The following CCDC178 variants were observed in gnomAD, a reference collection of about 807,000 sequenced individuals.
CCDC178 encodes coiled-coil domain containing 178.
In CCDC178, 126 loss-of-function variants were observed where a neutral mutation model predicts 117.4. That is an observed-to-expected ratio of 1.07 (90% CI 0.93 to 1.24). The LOEUF is 1.24. Ranked by LOEUF, CCDC178 falls within the 50% of genes most tolerant of loss-of-function variation. The pLI is 0.00. For synonymous variants in CCDC178, 283 were observed against 313.4 expected (o/e 0.90, Z 1.02); for missense variants, 1,030 against 986.9 (o/e 1.04, Z -0.59).
At chr18:33,191,600 C>A in intron 20 of CCDC178, among the ~76,000 whole-genome samples, 1 of 152,094 alleles carries the variant, frequency 6.6e-6, no homozygotes, top group Non-Finnish European at 1.5e-5. Context: ...TTAGCAATTT[C>A]ACTTGGCGAT....
At chr18:33,281,989 T>C (rs2060031737) in intron 12 of CCDC178, among the ~76,000 whole-genome samples, 1 of 152,264 alleles carries the variant, frequency 6.6e-6, no homozygotes. Context: ...ACAGCTCCCA[T>C]GGAGGCACTG....
At chr18:33,226,415 T>C (rs2059303905) in intron 16 of CCDC178, among the ~76,000 whole-genome samples, 2 of 152,182 alleles carry the variant, frequency 1.3e-5, no homozygotes, top group African/African-American at 4.8e-5. Flanking sequence ...TATATGGAAG[T>C]ATCAAAGCAT....
intron 14 of CCDC178, among the ~76,000 whole-genome samples, chr18:33,247,040 G>C (rs1408594676): frequency 4.0e-5 from 6 of 150,870 alleles, no homozygotes; most frequent in African/African-American, 1.5e-4. Flanking sequence ...GTGTAGGAGA[G>C]AGAGGGGTGT....
intron 15 of CCDC178, among the ~76,000 whole-genome samples, chr18:33,240,863 A>T (rs1209553918): frequency 6.6e-6 from 1 of 151,924 alleles, no homozygotes; most frequent in Non-Finnish European, 1.5e-5. Flanking sequence ...TGAGGCCAGC[A>T]TAACCTCAAT....
intron 21 of CCDC178, chr18:32,983,158 C>A: frequency 1.8e-6 from 1 of 559,280 alleles, no homozygotes; most frequent in Non-Finnish European, 3.1e-6. Context: ...AAAACCACTT[C>A]TCAGTACACT....
chr18:33,264,159 C>T (rs1302268827), intron 14 of CCDC178, among the ~76,000 whole-genome samples: 3 of 152,020 alleles, frequency 2.0e-5, no homozygotes, highest in Non-Finnish European at 4.4e-5. Flanking sequence ...ATTACATTTG[C>T]ATACATTTGT....
intron 4 of CCDC178, among the ~76,000 whole-genome samples, chr18:33,392,924 G>A (rs939310205): frequency 6.6e-6 from 1 of 152,118 alleles, no homozygotes; most frequent in East Asian, 1.9e-4. Flanking sequence ...ATACACTATA[G>A]AACTGTGTTA....
At chr18:33,014,262 G>A (rs1000048813) in intron 21 of CCDC178, among the ~76,000 whole-genome samples, 1 of 152,188 alleles carries the variant, frequency 6.6e-6, no homozygotes, top group Non-Finnish European at 1.5e-5. Flanking sequence ...AATCCCATAT[G>A]CAGGGCTTAT....
At chr18:33,388,846 G>A (rs1160956313) in intron 5 of CCDC178, among the ~76,000 whole-genome samples, 4 of 152,046 alleles carry the variant, frequency 2.6e-5, no homozygotes, top group African/African-American at 9.7e-5. Context: ...CAGGGACATG[G>A]ATGAAACTGG....
At chr18:33,238,850 A>C (rs1436763566) in intron 15 of CCDC178, among the ~76,000 whole-genome samples, 3 of 152,164 alleles carry the variant, frequency 2.0e-5, no homozygotes, top group Non-Finnish European at 4.4e-5. Context: ...GTCCAAAGTC[A>C]AAGACAGAAC....
At chr18:33,171,721 T>C (rs1339019871) in intron 20 of CCDC178, among the ~76,000 whole-genome samples, 1 of 152,202 alleles carries the variant, frequency 6.6e-6, no homozygotes, top group Non-Finnish European at 1.5e-5. Context: ...AGGAACAGTG[T>C]GTCTCTGCAT....
chr18:33,053,864 T>C (rs1308559588), intron 21 of CCDC178, among the ~76,000 whole-genome samples: 2 of 152,200 alleles, frequency 1.3e-5, no homozygotes, highest in African/African-American at 4.8e-5. Flanking sequence ...TGAAATTGTA[T>C]TTCTGTTGCT....
chr18:33,315,017 C>T (rs1234502561), intron 11 of CCDC178, among the ~76,000 whole-genome samples: 1 of 152,154 alleles, frequency 6.6e-6, no homozygotes, highest in Non-Finnish European at 1.5e-5. Flanking sequence ...TTCCTGTCCC[C>T]CTCTCACCTG....
chr18:33,000,534 A>C (rs1321859373), intron 21 of CCDC178, among the ~76,000 whole-genome samples: 1 of 152,176 alleles, frequency 6.6e-6, no homozygotes. Flanking sequence ...CTACCTCAAG[A>C]CATTTAATAA....
intron 5 of CCDC178, among the ~76,000 whole-genome samples, chr18:33,375,463 T>C (rs2063351956): frequency 6.6e-6 from 1 of 152,072 alleles, no homozygotes; most frequent in African/African-American, 2.4e-5. Context: ...TAGACTCCCA[T>C]CCTGGCATTG....
At chr18:33,019,913 A>ATATTATTAT (rs35536059) in intron 21 of CCDC178, among the ~76,000 whole-genome samples, 13 of 137,700 alleles carry the variant, frequency 9.4e-5, no homozygotes, top group South Asian at 7.3e-4. Context: ...CTTAACTGAG[A>ATATTATTAT]TATTATTATT....
rs566555602 is a variant in CCDC178 at position 33,249,700 on chromosome 18, G to A, written c.1410-4272C>T. 2.6e-5 allele frequency among the ~76,000 whole-genome samples: 4 copies of A among 152,114 alleles called. 1 individual carries two copies. In the South Asian group the frequency reaches 6.2e-4, roughly 24 times the overall value. ...GTAGCATAGTTTGAAGTGAGGGAGT[G>A]TGATGCCTTCAGCTTTGTTCTTTTG... On this transcript the variant is annotated intron_variant, in intron 14 of 22. Coordinates refer to ENST00000383096, the MANE Select transcript of CCDC178 (RefSeq NM_001105528.4).
chr18:32,958,043 G>A (rs770964917), intron 22 of CCDC178: 9 of 330,400 alleles, frequency 2.7e-5, no homozygotes, highest in Non-Finnish European at 4.5e-5. Flanking sequence ...TGAGTTTACA[G>A]GGTTACATGA....
At chr18:33,203,802 T>C (rs1488818950) in intron 20 of CCDC178, among the ~76,000 whole-genome samples, 1 of 152,212 alleles carries the variant, frequency 6.6e-6, no homozygotes. Flanking sequence ...CTACATTAGT[T>C]GGTGGCCTTA....
Sources: allele counts gnomAD v4.1 joint callset (sites outside exome capture counted in the v4.1 genomes callset), GRCh38; gene constraint gnomAD v4.1.1; transcripts MANE v1.5; gene names NCBI Gene and HGNC (gene_info 2026-07-23, HGNC 2026-07-21).